Variants in EPAS1 observed in about 807,000 individuals in gnomAD.
EPAS1 encodes endothelial PAS domain-containing protein 1.
A neutral mutation model predicts 87.9 loss-of-function variants in EPAS1; 23 were observed. That is an observed-to-expected ratio of 0.26 (90% CI 0.19 to 0.37). The LOEUF (loss-of-function observed/expected upper bound fraction) is 0.37, where lower values mean the gene tolerates loss of function less well. Ranked by LOEUF, EPAS1 falls within the 10% of genes least tolerant of loss-of-function variation. EPAS1 has a pLI of 1.00. For synonymous variants in EPAS1, 508 were observed against 444.3 expected, an observed-to-expected ratio of 1.14 and a Z score of -1.80; for missense variants, 1,138 against 1,120.7, an observed-to-expected ratio of 1.02 and a Z score of -0.22.
At chr2:46,345,386 A>C (rs1006833412) in intron 1 of EPAS1, among the ~76,000 whole-genome samples, 6 of 152,176 alleles carry the variant, frequency 3.9e-5, no homozygotes, top group Admixed American at 2.6e-4. Context: ...AAACCAAAAA[A>C]ACTCCCTTTA....
At chr2:46,310,376 T>G (rs1280872831) in intron 1 of EPAS1, among the ~76,000 whole-genome samples, 1 of 152,220 alleles carries the variant, frequency 6.6e-6, no homozygotes, top group African/African-American at 2.4e-5. Context: ...AATATCCCAC[T>G]ATCTGTAGGG....
chr2:46,307,296 T>C (rs1170773628), intron 1 of EPAS1, among the ~76,000 whole-genome samples: 1 of 152,220 alleles, frequency 6.6e-6, no homozygotes, highest in Non-Finnish European at 1.5e-5. Context: ...TTTGGAGCAG[T>C]GTGGTGTTGC....
At chr2:46,325,845 CAAA>C (rs893982176) in intron 1 of EPAS1, among the ~76,000 whole-genome samples, 4 of 152,100 alleles carry the variant, frequency 2.6e-5, no homozygotes, top group Non-Finnish European at 4.4e-5. Flanking sequence ...AACAGGGACA[CAAA>C]GAAGAAACAG....
chr2:46,315,789 C>T (rs145582028), intron 1 of EPAS1, among the ~76,000 whole-genome samples: 2 of 152,330 alleles, frequency 1.3e-5, no homozygotes, highest in African/African-American at 4.8e-5. Context: ...GGGTGGAGGG[C>T]AAGAGGGGCA....
intron 1 of EPAS1, among the ~76,000 whole-genome samples, chr2:46,335,465 C>A (rs990971925): frequency 1.4e-5 from 2 of 146,994 alleles, no homozygotes; most frequent in Non-Finnish European, 3.0e-5. Flanking sequence ...CCCCCTCCTT[C>A]CTGTATATAC....
chr2:46,374,504 G>A (rs1684695379), intron 7 of EPAS1, among the ~76,000 whole-genome samples: 1 of 152,204 alleles, frequency 6.6e-6, no homozygotes, highest in South Asian at 2.1e-4. Context: ...GGTATGCTGG[G>A]TAGCTAATGA....
Position 46,332,231 on chromosome 2 carries a change from C to T in EPAS1, c.27-14642C>T, listed in dbSNP as rs1425121056. Among the ~76,000 whole-genome samples, 4 of 149,948 alleles carry T rather than the reference C, an allele frequency of 2.7e-5. No individual in the cohort carries two copies. The South Asian group carries it at 6.3e-4, about 24-fold the overall frequency. ...AGAATGGTCCAGGAGTTTCAGTTCC[C>T]TGTCACCTGTCAGTGTTAATGGACA... On this transcript the variant is annotated intron_variant, in intron 1 of 15. Coordinates refer to ENST00000263734, the MANE Select transcript of EPAS1 (RefSeq NM_001430.5).
intron 1 of EPAS1, among the ~76,000 whole-genome samples, chr2:46,303,930 C>T (rs1264218384): frequency 6.6e-6 from 1 of 152,194 alleles, no homozygotes; most frequent in African/African-American, 2.4e-5. Context: ...GCTTAATCTT[C>T]CCTGTCCCTG....
intron 6 of EPAS1, among the ~76,000 whole-genome samples, chr2:46,368,215 CGTT>C (rs1178422579): frequency 1.3e-5 from 2 of 152,102 alleles, no homozygotes; most frequent in Non-Finnish European, 1.5e-5. Flanking sequence ...TCACGAGAGA[CGTT>C]GTGCTGGAGG....
intron 2 of EPAS1, among the ~76,000 whole-genome samples, chr2:46,350,050 C>A (rs918327594): frequency 1.3e-5 from 2 of 152,206 alleles, no homozygotes; most frequent in Non-Finnish European, 2.9e-5. Context: ...TAGCCTGCCA[C>A]ATATTAAGCT....
chr2:46,344,176 T>C (rs1012193561), intron 1 of EPAS1, among the ~76,000 whole-genome samples: 3 of 152,246 alleles, frequency 2.0e-5, no homozygotes, highest in Admixed American at 2.0e-4. Context: ...AGGTTTTTGA[T>C]AGAGCACCAG....
chr2:46,381,913 C>A, intron 13 of EPAS1, 62 bp from the exon 14 acceptor site: 1 of 1,454,118 alleles, frequency 6.9e-7, no homozygotes, highest in Non-Finnish European at 9.5e-7. Context: ...ACCCAACCCA[C>A]CCAGTCTGGG....
At chr2:46,367,669 T>G (rs1301906948) in intron 6 of EPAS1, among the ~76,000 whole-genome samples, 1 of 152,236 alleles carries the variant, frequency 6.6e-6, no homozygotes, top group Non-Finnish European at 1.5e-5. Flanking sequence ...GCTCTGAGAC[T>G]GGCTGGCTGG....
At chr2:46,362,986 G>GGTA (rs1257909484) in intron 6 of EPAS1, among the ~76,000 whole-genome samples, 4 of 94,558 alleles carry the variant, frequency 4.2e-5, no homozygotes, top group African/African-American at 1.6e-4. Context: ...TAGTGGTGGT[G>GGTA]GTGGTGGTGG....
intron 2 of EPAS1, among the ~76,000 whole-genome samples, chr2:46,349,673 C>T (rs1363380342): frequency 1.3e-5 from 2 of 152,246 alleles, no homozygotes; most frequent in Admixed American, 6.5e-5. Context: ...TCTCACCAAA[C>T]GAGCACAGCC....
chr2:46,315,242 C>T (rs1683289127), intron 1 of EPAS1, among the ~76,000 whole-genome samples: 1 of 152,194 alleles, frequency 6.6e-6, no homozygotes, highest in Admixed American at 6.5e-5. Flanking sequence ...GTGTCCCTCA[C>T]TCTGAGACAG....
intron 1 of EPAS1, among the ~76,000 whole-genome samples, chr2:46,332,922 G>A (rs1683717280): frequency 6.6e-6 from 1 of 152,202 alleles, no homozygotes; most frequent in African/African-American, 2.4e-5. Context: ...GATGGGACGG[G>A]TCAGGAGGGG....
chr2:46,297,878 C>T lies in EPAS1; in HGVS notation c.-34C>T, dbSNP rs748052984. 5.6e-6 allele frequency: 9 copies of T among 1,606,612 alleles called. No individual in the cohort carries two copies. Among genetic ancestry groups the T allele is most frequent in the South Asian group, 4.4e-5 (4 of 90,176 alleles). The stretch of plus-strand genomic sequence containing the variant: ...CCACCCGCCAGGGAGCCCAGGTGCT[C>T]GGCGTCTGAACGTCTCAAAGGGCCA... On this transcript the variant is annotated 5_prime_UTR_variant, in exon 1 of 16. Transcript: ENST00000263734.
chr2:46,361,064 C>T lies in EPAS1; in HGVS notation c.753C>T (p.Asp251=). The change falls in exon 6 of 16, where the codon GAC becomes GAT. Residue 251 remains aspartate, a synonymous_variant. Transcript: ENST00000263734. Reference sequence around the variant, plus strand: ...CCTTCCTGAGCCGCCACAGCATGGACATGAAGTTCACCTACTGTGATGACA... The same window carrying T: ...CCTTCCTGAGCCGCCACAGCATGGATATGAAGTTCACCTACTGTGATGACA... The part of the protein sequence containing the change: ...SKTFLSRHSM[D]MKFTYCDDRI... 1.9e-6 allele frequency: 3 copies of T among 1,614,168 alleles called. No individual in the cohort carries two copies. The highest frequency in any genetic ancestry group is 2.5e-6 in the Non-Finnish European group (3 of 1,180,040).
Sources: allele counts gnomAD v4.1 joint callset (sites outside exome capture counted in the v4.1 genomes callset), GRCh38; gene constraint gnomAD v4.1.1; transcripts MANE v1.5; gene names NCBI Gene and HGNC (gene_info 2026-07-23, HGNC 2026-07-21).